Variants in DOCK5 observed in about 807,000 individuals in gnomAD.
DOCK5 encodes the protein dedicator of cytokinesis protein 5.
DOCK5 carries 142 observed loss-of-function variants against 251.8 expected under a neutral mutation model. That is an observed-to-expected ratio of 0.56 (90% confidence interval 0.49 to 0.65). DOCK5 has a LOEUF of 0.65. Among genes scored for constraint, DOCK5 ranks in the 30% least tolerant of loss-of-function variants. DOCK5 has a pLI of 0.00. For missense variants in DOCK5, 2,111 were observed against 2,312.3 expected (o/e 0.91, Z 1.79); for synonymous variants, 842 against 835.5 (o/e 1.01, Z -0.13).
chr8:25,279,771 C>T (rs965486884), intron 5 of DOCK5, among the ~76,000 whole-genome samples: 9 of 151,166 alleles, frequency 6.0e-5, no homozygotes, highest in African/African-American at 1.2e-4. Context: ...TGTGCCACCC[C>T]GCCTGGCTAA....
At chr8:25,226,806 C>T (rs1186751530) in intron 1 of DOCK5, among the ~76,000 whole-genome samples, 4 of 152,016 alleles carry the variant, frequency 2.6e-5, no homozygotes, top group African/African-American at 4.8e-5. Flanking sequence ...AAGATGGTCT[C>T]GATCTCCTGA....
intron 2 of DOCK5, among the ~76,000 whole-genome samples, chr8:25,267,718 A>G (rs1803798908): frequency 6.6e-6 from 1 of 152,176 alleles, no homozygotes; most frequent in Non-Finnish European, 1.5e-5. Flanking sequence ...GGCATGGGGA[A>G]TGAGGGAAAT....
At chr8:25,216,177 C>T (rs111205383) in intron 1 of DOCK5, among the ~76,000 whole-genome samples, 16,583 of 106,762 alleles carry the variant, frequency 0.16, 1,715 homozygotes, top group African/African-American at 0.4. Flanking sequence ...ACAATATGTG[C>T]ATACAATATG....
At chr8:25,367,107 A>G (rs1329398074) in intron 31 of DOCK5, 137 bp downstream of exon 31, 2 of 725,322 alleles carry the variant, frequency 2.8e-6, no homozygotes, top group African/African-American at 1.8e-5. Context: ...TCAACTAATT[A>G]CTTAATAGGC....
rs143848232 is a variant in DOCK5, at chr8:25,370,662, C to T, written c.3524+1021C>T. Among the ~76,000 whole-genome samples, 275 of 152,212 alleles carry T rather than the reference C, an allele frequency of 1.8e-3. 1 individual carries two copies. The highest frequency in any genetic ancestry group is 3.2e-3 in the Admixed American group (49 of 15,288). ...AGGACTACAGGCATATGTCGCCATT[C>T]CCAGCTGTTTCTTATTTTTACTTGT... On this transcript the variant is annotated intron_variant, in intron 34 of 51. Transcript: ENST00000276440.
chr8:25,263,692 A>G (rs1175862177), intron 2 of DOCK5, among the ~76,000 whole-genome samples: 1 of 150,002 alleles, frequency 6.7e-6, no homozygotes, highest in Non-Finnish European at 1.5e-5. Flanking sequence ...CCCTCGCCCC[A>G]CTTAGGCTCT....
intron 1 of DOCK5, among the ~76,000 whole-genome samples, chr8:25,191,189 C>CT (rs1278361709): frequency 2.0e-5 from 3 of 152,128 alleles, no homozygotes; most frequent in African/African-American, 7.2e-5. Context: ...GAAATTAAAA[C>CT]TTTCTTTTTG....
At chr8:25,347,573 A>G (rs1800392454) in intron 26 of DOCK5, among the ~76,000 whole-genome samples, 1 of 152,228 alleles carries the variant, frequency 6.6e-6, no homozygotes, top group Non-Finnish European at 1.5e-5. Flanking sequence ...TAATTCAATA[A>G]TTCCTTAAAA....
At chr8:25,224,854 C>T (rs1224902237) in intron 1 of DOCK5, among the ~76,000 whole-genome samples, 2 of 152,230 alleles carry the variant, frequency 1.3e-5, no homozygotes, top group Non-Finnish European at 2.9e-5. Flanking sequence ...TCTCAGGAGA[C>T]TGATGTGAAG....
chr8:25,266,436 C>T (rs951480008), intron 2 of DOCK5, among the ~76,000 whole-genome samples: 5 of 151,610 alleles, frequency 3.3e-5, no homozygotes, highest in African/African-American at 1.2e-4. Flanking sequence ...AGGATGGTCT[C>T]GATCTCCTGA....
At chr8:25,202,492 C>T (rs76823178) in intron 1 of DOCK5, among the ~76,000 whole-genome samples, 2,111 of 152,224 alleles carry the variant, frequency 0.014, 48 homozygotes, top group African/African-American at 0.048. Context: ...TTTTGAGTCA[C>T]GCCACCTTGC....
At chr8:25,346,793 C>T (rs1800376581) in intron 26 of DOCK5, among the ~76,000 whole-genome samples, 1 of 150,428 alleles carries the variant, frequency 6.6e-6, no homozygotes. Flanking sequence ...CACTGCACTC[C>T]AGCCTGGGTA....
intron 25 of DOCK5, among the ~76,000 whole-genome samples, chr8:25,342,900 TTTCACCACG>T (rs1800268142): frequency 1.3e-5 from 2 of 150,592 alleles, no homozygotes; most frequent in African/African-American, 4.9e-5. Flanking sequence ...AAAGACGGGG[TTTCACCACG>T]TTAGCCAGGA....
At chr8:25,372,352 C>T (rs914744279) in intron 34 of DOCK5, among the ~76,000 whole-genome samples, 2 of 152,146 alleles carry the variant, frequency 1.3e-5, no homozygotes, top group African/African-American at 4.8e-5. Flanking sequence ...CACAAAGAAG[C>T]GCAGCATAAG....
Position 25,308,792 on chromosome 8 carries a change from G to A in DOCK5, c.1059G>A (p.Met353Ile). ...QHFIPFQQIA[M>I]ETYIRQRQLI... is the part of the protein sequence containing the mutation. ...ATTTCTCTTTCCCAAGAATTGCGAT[G>A]GAAACCTACATCCGCCAGAGGCAGC... The change falls in exon 12 of 52, where the codon ATG (methionine) becomes ATA (isoleucine). Residue 353 changes from methionine (M) to isoleucine (I), a missense_variant. Met to Ile is a conservative substitution (Grantham distance 10). Coordinates refer to ENST00000276440, the MANE Select transcript of DOCK5 (RefSeq NM_024940.8). 1 of 1,613,808 alleles carries A rather than the reference G, an allele frequency of 6.2e-7. No individual in the cohort carries two copies. The highest frequency in any genetic ancestry group is 8.5e-7 in the Non-Finnish European group (1 of 1,179,756).
intron 18 of DOCK5, among the ~76,000 whole-genome samples, chr8:25,327,889 T>G (rs1190719814): frequency 1.3e-5 from 2 of 152,156 alleles, no homozygotes; most frequent in Non-Finnish European, 2.9e-5. Flanking sequence ...TTAAGTGTTC[T>G]CACCACCAAA....
chr8:25,294,840 A>G (rs1237429899), intron 6 of DOCK5, among the ~76,000 whole-genome samples: 3 of 152,176 alleles, frequency 2.0e-5, no homozygotes, highest in East Asian at 1.9e-4. Flanking sequence ...CACGTCTTAC[A>G]TGGCCAGAGC....
At position 25,243,713 on chromosome 8, in the gene DOCK5, C is replaced by T. The variant is rs1803020196; in HGVS notation, c.83C>T (p.Ser28Phe). The change falls in exon 2 of 52, where the codon TCC becomes TTC. Residue 28 changes from serine to phenylalanine, a missense_variant. By Grantham distance (155) the Ser-to-Phe change is radical. Around this residue, in one of 3 missense-constraint regions of DOCK5, gnomAD observed 335 missense variants for 324.9 expected, o/e 1.03. Transcript: ENST00000276440. ...NYNASQDVEL[S>F]LQIGDTVHIL... ...AATGCTTCTCAAGATGTGGAGCTCT[C>T]CTTGCAGATCGGTGACACAGTTCAC... 2 of 1,613,728 alleles carry T rather than the reference C, an allele frequency of 1.2e-6. No homozygotes were observed. The highest frequency in any genetic ancestry group is 8.5e-7 in the Non-Finnish European group (1 of 1,179,736).
chr8:25,322,808 G>A (rs1005104512), intron 16 of DOCK5, among the ~76,000 whole-genome samples: 1 of 152,194 alleles, frequency 6.6e-6, no homozygotes, highest in African/African-American at 2.4e-5. Context: ...CTGGGCTGGA[G>A]CCGGATCATG....
Sources: gnomAD v4.1 joint callset for allele counts (sites outside exome capture counted in the v4.1 genomes callset) on GRCh38, gnomAD v4.1.1 for gene constraint, gnomAD v4.1.1 regional missense constraint, MANE v1.5 for transcripts, NCBI Gene and HGNC (gene_info 2026-07-23, HGNC 2026-07-21) for gene names.